Variants in GRIP1 observed in about 807,000 individuals in gnomAD.
GRIP1 encodes the protein glutamate receptor-interacting protein 1.
A neutral mutation model predicts 129.9 loss-of-function variants in GRIP1; 45 were observed. The ratio of observed to expected loss-of-function variants is 0.35; its 90% CI spans 0.27 to 0.44. GRIP1 has a LOEUF of 0.44. GRIP1 is among the 20% of genes least tolerant of loss of function. The pLI, the probability that GRIP1 is intolerant of heterozygous loss-of-function variation, is 1.00. For missense variants in GRIP1, 1,196 were observed against 1,396.8 expected (o/e 0.86, Z 2.29); for synonymous variants, 530 against 520.8 (o/e 1.02, Z -0.24).
chr12:66,651,262 CAT>C (rs1223663693), intron 1 of GRIP1, among the ~76,000 whole-genome samples: 2 of 152,096 alleles, frequency 1.3e-5, no homozygotes, highest in Admixed American at 6.5e-5. Context: ...ATTTACATTC[CAT>C]AGTTGAAGGG....
intron 7 of GRIP1, among the ~76,000 whole-genome samples, chr12:66,488,873 GA>G (rs2060029072): frequency 6.6e-6 from 1 of 152,126 alleles, no homozygotes; most frequent in Non-Finnish European, 1.5e-5. Context: ...AAATCTAGAA[GA>G]AATGTATAAA....
At chr12:66,427,736 T>G (rs1430364025) in intron 14 of GRIP1, among the ~76,000 whole-genome samples, 1 of 152,154 alleles carries the variant, frequency 6.6e-6, no homozygotes, top group East Asian at 1.9e-4. Context: ...TGTTCTAAAT[T>G]TCTTCCTGAG....
At chr12:66,795,392 GA>G (rs1757098036) in intron 1 of GRIP1, among the ~76,000 whole-genome samples, 1 of 152,106 alleles carries the variant, frequency 6.6e-6, no homozygotes, top group South Asian at 2.1e-4. Context: ...AGCACAATGT[GA>G]AAACATAAGA....
At chr12:67,025,795 A>G (rs1288518134) in intron 1 of GRIP1, among the ~76,000 whole-genome samples, 1 of 152,224 alleles carries the variant, frequency 6.6e-6, no homozygotes, top group East Asian at 1.9e-4. Context: ...ACGAGGCATA[A>G]TATATTTAAA....
At chr12:66,411,798 G>A (rs974306667) in intron 15 of GRIP1, among the ~76,000 whole-genome samples, 3 of 152,178 alleles carry the variant, frequency 2.0e-5, no homozygotes, top group Non-Finnish European at 4.4e-5. Context: ...ATGACCTTAT[G>A]GAGCTGAAAA....
chr12:66,805,978 CTT>C (rs79756327), upstream of GRIP1, among the ~76,000 whole-genome samples: 54 of 126,382 alleles, frequency 4.3e-4, no homozygotes, highest in Non-Finnish European at 7.0e-4. Flanking sequence ...TTTTTTTTTT[CTT>C]TTTTTTTTTT....
chr12:66,854,272 C>G (rs2039965178), intron 1 of GRIP1, among the ~76,000 whole-genome samples: 1 of 151,304 alleles, frequency 6.6e-6, no homozygotes, highest in African/African-American at 2.4e-5. Flanking sequence ...CAGGATGGAG[C>G]AAGCAAGGGC....
intron 1 of GRIP1, among the ~76,000 whole-genome samples, chr12:66,671,741 C>T (rs968496984): frequency 6.6e-6 from 1 of 152,174 alleles, no homozygotes; most frequent in African/African-American, 2.4e-5. Context: ...TATCCAAACG[C>T]TATTTCTCCC....
Position 66,379,318 on chromosome 12 carries a change from C to G in GRIP1, c.2583G>C (p.Gly861=), listed in dbSNP as rs748630387. The part of the protein sequence containing the change: ...KPRSQTYPDV[G]LSYEDWDRST... ...ACCGGTCCCAGTCTTCATAACTCAG[C>G]CCCACATCTGGGTAAGTCTGGCTTC... The change falls in exon 20 of 25, where the codon GGG becomes GGC. Residue 861 remains glycine, a synonymous_variant. Coordinates refer to ENST00000359742, the MANE Select transcript of GRIP1 (RefSeq NM_001366722.1). 2.5e-6 allele frequency: 4 copies of G among 1,613,964 alleles called. No individual in the cohort carries two copies. The highest frequency in any genetic ancestry group is 3.4e-6 in the Non-Finnish European group (4 of 1,179,878).
At chr12:66,574,813 C>T (rs946749677) in intron 2 of GRIP1, among the ~76,000 whole-genome samples, 4 of 89,462 alleles carry the variant, frequency 4.5e-5, no homozygotes, top group African/African-American at 1.2e-4. Flanking sequence ...GACGGAGTCT[C>T]GCTCTGTCGC....
At chr12:66,975,497 A>G (rs1015512613) in intron 1 of GRIP1, among the ~76,000 whole-genome samples, 7 of 152,310 alleles carry the variant, frequency 4.6e-5, no homozygotes, top group Admixed American at 2.0e-4. Context: ...GCAACTATTA[A>G]CAATAAAAAA....
At chr12:66,551,547 T>C (rs2062133389) in intron 2 of GRIP1, among the ~76,000 whole-genome samples, 1 of 151,820 alleles carries the variant, frequency 6.6e-6, no homozygotes, top group Non-Finnish European at 1.5e-5. Flanking sequence ...GCATGTATTT[T>C]TGGGTGTCCT....
chr12:66,566,664 T>G (rs2062769660), intron 2 of GRIP1, among the ~76,000 whole-genome samples: 2 of 152,210 alleles, frequency 1.3e-5, no homozygotes, highest in Admixed American at 1.3e-4. Flanking sequence ...GATTCCCTCT[T>G]TTTCTATTGA....
upstream of GRIP1, among the ~76,000 whole-genome samples, chr12:66,808,459 A>T (rs2039040190): frequency 6.6e-6 from 1 of 151,760 alleles, no homozygotes; most frequent in African/African-American, 2.4e-5. Flanking sequence ...CACCATGTCC[A>T]GCTACTTTTT....
chr12:67,028,258 A>C (rs1316869694), intron 1 of GRIP1, among the ~76,000 whole-genome samples: 1 of 152,112 alleles, frequency 6.6e-6, no homozygotes, highest in African/African-American at 2.4e-5. Context: ...TAGCAATTCC[A>C]CTGGGAATTT....
At chr12:66,382,940 A>G (rs1297124223) in intron 19 of GRIP1, among the ~76,000 whole-genome samples, 2 of 152,114 alleles carry the variant, frequency 1.3e-5, no homozygotes, top group Non-Finnish European at 2.9e-5. Context: ...GTGCCAAAGG[A>G]AAAATGACAT....
chr12:66,758,394 T>C (rs1055093606), intron 1 of GRIP1, among the ~76,000 whole-genome samples: 1 of 150,196 alleles, frequency 6.7e-6, no homozygotes, highest in Non-Finnish European at 1.5e-5. Flanking sequence ...CACCCCCGGT[T>C]CTTCCTACAA....
intron 1 of GRIP1, among the ~76,000 whole-genome samples, chr12:67,002,316 A>T (rs1253054852): frequency 6.6e-6 from 1 of 152,214 alleles, no homozygotes; most frequent in Non-Finnish European, 1.5e-5. Flanking sequence ...TGAATTGGCA[A>T]ATCTTCATGT....
At chr12:66,510,311 T>C (rs1268180736) in intron 7 of GRIP1, among the ~76,000 whole-genome samples, 1 of 152,116 alleles carries the variant, frequency 6.6e-6, no homozygotes, top group African/African-American at 2.4e-5. Context: ...CCTCTACGCA[T>C]TCCTGGTTAA....
Sources: gnomAD v4.1 joint callset for allele counts (sites outside exome capture counted in the v4.1 genomes callset) on GRCh38, gnomAD v4.1.1 for gene constraint, MANE v1.5 for transcripts, NCBI Gene and HGNC (gene_info 2026-07-23, HGNC 2026-07-21) for gene names.